The following ADAM23 variants were observed in gnomAD, a reference collection of about 807,000 sequenced individuals.
The protein encoded by ADAM23 is ADAM metallopeptidase domain 23.
A neutral mutation model predicts 120.1 loss-of-function variants in ADAM23; 33 were observed. The observed-to-expected ratio is 0.27, with a 90% CI of 0.21 to 0.37. The LOEUF is 0.37. Among genes scored for constraint, ADAM23 ranks in the 10% least tolerant of loss-of-function variants. The pLI is 1.00. For missense variants in ADAM23, 862 were observed against 1,058.2 expected (o/e 0.81, Z 2.57); for synonymous variants, 367 against 375.2 (o/e 0.98, Z 0.25).
intron 13 of ADAM23, among the ~76,000 whole-genome samples, chr2:206,564,464 G>A (rs1697838842): frequency 6.6e-6 from 1 of 152,090 alleles, no homozygotes; most frequent in Non-Finnish European, 1.5e-5. Context: ...CTCTAACTTC[G>A]AGCATTCTCT....
At chr2:206,604,627 A>G (rs1698698597) in intron 24 of ADAM23, among the ~76,000 whole-genome samples, 1 of 152,170 alleles carries the variant, frequency 6.6e-6, no homozygotes, top group Admixed American at 6.5e-5. Context: ...TCTCCCTCAC[A>G]TTATTATCTT....
chr2:206,493,321 TA>T (rs1696169770), intron 3 of ADAM23, among the ~76,000 whole-genome samples: 1 of 152,244 alleles, frequency 6.6e-6, no homozygotes, highest in Non-Finnish European at 1.5e-5. Context: ...CCATGAGCCT[TA>T]ATATAATATT....
At position 206,542,114 on chromosome 2, in the gene ADAM23, G is replaced by C. The variant is rs901879815; in HGVS notation, c.636G>C (p.Leu212=). 1.9e-6 allele frequency: 3 copies of C among 1,614,154 alleles called. No individual in the cohort carries two copies. Among genetic ancestry groups the C allele is most frequent in the Non-Finnish European group, 2.5e-6 (3 of 1,179,996 alleles). The change falls in exon 5 of 26, where the codon CTG becomes CTC. Residue 212 remains leucine (L), a synonymous_variant. Coordinates refer to ENST00000264377, the MANE Select transcript of ADAM23 (RefSeq NM_003812.4). ...GCGTCAAAGACTCCAAGGTGGCTCT[G>C]TCAACCTGCAATGGACTTCAGTAAG... ...IRGVKDSKVA[L]STCNGLHGMF...
intron 3 of ADAM23, among the ~76,000 whole-genome samples, chr2:206,511,371 T>C (rs1696619324): frequency 6.6e-6 from 1 of 152,204 alleles, no homozygotes; most frequent in Admixed American, 6.5e-5. Flanking sequence ...GTTATCTGTG[T>C]TCTTTTCTTT....
Position 206,550,777 on chromosome 2 carries a change from A to G in ADAM23, c.933+617A>G, listed in dbSNP as rs1392138420. 2.6e-5 allele frequency among the ~76,000 whole-genome samples: 4 copies of G among 151,886 alleles called. No individual in the cohort carries two copies. The East Asian group carries it at 7.8e-4, about 30-fold the overall frequency. The stretch of plus-strand genomic sequence containing the variant: ...CCACTACGCCCGGCTAATTTTTTGT[A>G]TTTTTAGTAGAGACGGGGTTTCACC... On this transcript the variant is annotated intron_variant, in intron 9 of 25. Transcript: ENST00000264377.
intron 2 of ADAM23, among the ~76,000 whole-genome samples, chr2:206,470,447 G>A (rs1407689515): frequency 6.6e-6 from 1 of 152,150 alleles, no homozygotes; most frequent in African/African-American, 2.4e-5. Flanking sequence ...GCAAATACAG[G>A]TTGAGTGGTT....
At chr2:206,581,083 G>A (rs905180064) in intron 18 of ADAM23, among the ~76,000 whole-genome samples, 1 of 151,972 alleles carries the variant, frequency 6.6e-6, no homozygotes, top group Non-Finnish European at 1.5e-5. Flanking sequence ...TCTTAGTGAG[G>A]TTTTTTTGGA....
chr2:206,471,207 C>G (rs983223477), intron 2 of ADAM23, among the ~76,000 whole-genome samples: 4 of 152,184 alleles, frequency 2.6e-5, no homozygotes, highest in Non-Finnish European at 5.9e-5. Context: ...TTTGAATCTA[C>G]TCTATATCAT....
chr2:206,445,452 C>T lies in ADAM23; in HGVS notation c.360C>T (p.Tyr120=). The change falls in exon 2 of 26, where the codon TAC becomes TAT. Residue 120 remains tyrosine (Y), a synonymous_variant. Coordinates refer to ENST00000264377, the MANE Select transcript of ADAM23 (RefSeq NM_003812.4). ...EITLPSRLIY[Y]INQDSESPYH... The stretch of plus-strand genomic sequence containing the variant: ...CACTGCCTTCAAGACTCATATATTA[C>T]ATCAACCAAGACTCGGAAAGCCCTT... 1 of 1,614,138 alleles carries T rather than the reference C, an allele frequency of 6.2e-7. No individual in the cohort carries two copies. Among genetic ancestry groups the T allele is most frequent in the Non-Finnish European group, 8.5e-7 (1 of 1,179,988 alleles).
intron 2 of ADAM23, among the ~76,000 whole-genome samples, chr2:206,449,668 AC>A (rs1180769120): frequency 2.6e-5 from 4 of 152,156 alleles, no homozygotes; most frequent in Non-Finnish European, 5.9e-5. Flanking sequence ...TACTCGGGAG[AC>A]TGAGGCATGA....
intron 24 of ADAM23, among the ~76,000 whole-genome samples, chr2:206,608,320 C>T (rs978127403): frequency 1.3e-5 from 2 of 152,204 alleles, no homozygotes; most frequent in Non-Finnish European, 2.9e-5. Context: ...CTCCAGTTTC[C>T]TGACCCTTGA....
chr2:206,475,669 G>A (rs1219107796), intron 2 of ADAM23, among the ~76,000 whole-genome samples: 2 of 151,814 alleles, frequency 1.3e-5, no homozygotes, highest in East Asian at 3.9e-4. Flanking sequence ...TGATGACAAA[G>A]GCAGGGTCCC....
At chr2:206,578,197 A>G (rs1698155505) in intron 18 of ADAM23, among the ~76,000 whole-genome samples, 1 of 151,974 alleles carries the variant, frequency 6.6e-6, no homozygotes, top group African/African-American at 2.4e-5. Flanking sequence ...TAACATTACA[A>G]ATCTATTTAT....
chr2:206,599,568 A>G (rs1698597283), intron 24 of ADAM23, among the ~76,000 whole-genome samples: 1 of 152,192 alleles, frequency 6.6e-6, no homozygotes, highest in Non-Finnish European at 1.5e-5. Context: ...TGTAGATTTT[A>G]TTATTTTGTT....
In ADAM23 at chr2:206,522,106, A is replaced by G. The variant is rs79233719; in HGVS notation, c.510-8779A>G. Among the ~76,000 whole-genome samples the G allele has an allele frequency of 8.5e-3, 1,290 of 152,096 alleles. 19 individuals carry two copies. Among genetic ancestry groups the G allele is most frequent in the South Asian group, 0.046 (223 of 4,826 alleles). ...TTTATTTAAATCCAAGTTTATTCAT[A>G]GGTTATATATATGTATGTAAATATA... On this transcript the variant is annotated intron_variant, in intron 3 of 25. Transcript: ENST00000264377.
At chr2:206,470,499 A>G in intron 2 of ADAM23, among the ~76,000 whole-genome samples, 1 of 152,206 alleles carries the variant, frequency 6.6e-6, no homozygotes, top group East Asian at 1.9e-4. Flanking sequence ...ATTAGAGAAC[A>G]TGAGGTCACG....
intron 10 of ADAM23, among the ~76,000 whole-genome samples, chr2:206,558,032 T>C (rs1446986728): frequency 6.6e-6 from 1 of 152,162 alleles, no homozygotes; most frequent in Admixed American, 6.5e-5. Context: ...ATAAAACTAA[T>C]TTGGAAGAAT....
chr2:206,593,240 A>G (rs2105849901), intron 22 of ADAM23, among the ~76,000 whole-genome samples: 1 of 152,324 alleles, frequency 6.6e-6, no homozygotes, highest in East Asian at 1.9e-4. Flanking sequence ...CTGTGAGTAC[A>G]AGGCATGTAG....
At chr2:206,538,475 C>T (rs899238367) in intron 4 of ADAM23, among the ~76,000 whole-genome samples, 1 of 152,042 alleles carries the variant, frequency 6.6e-6, no homozygotes, top group African/African-American at 2.4e-5. Flanking sequence ...TTATTGTATT[C>T]AGAACCTAGA....
Sources: allele counts gnomAD v4.1 joint callset (sites outside exome capture counted in the v4.1 genomes callset), GRCh38; gene constraint gnomAD v4.1.1; transcripts MANE v1.5; gene names NCBI Gene and HGNC (gene_info 2026-07-23, HGNC 2026-07-21).